The following CATSPERB variants were observed in gnomAD, a reference collection of about 807,000 sequenced individuals.
CATSPERB encodes catsper channel auxiliary subunit beta.
Under a neutral mutation model 128.3 loss-of-function variants are expected in CATSPERB, and 93 were observed. That is an observed-to-expected ratio of 0.72 (90% CI 0.61 to 0.86). The LOEUF (loss-of-function observed/expected upper bound fraction) is 0.86, where lower values mean the gene tolerates loss of function less well. Among genes scored for constraint, CATSPERB ranks in the 40% least tolerant of loss-of-function variants. The pLI is 0.00. For synonymous variants in CATSPERB, 381 were observed against 448.8 expected, an observed-to-expected ratio of 0.85 and a Z score of 1.91; for missense variants, 1,153 against 1,329.5, an observed-to-expected ratio of 0.87 and a Z score of 2.06.
chr14:91,585,223 TC>T (rs1389433848), intron 26 of CATSPERB, among the ~76,000 whole-genome samples: 1 of 152,002 alleles, frequency 6.6e-6, no homozygotes, highest in Non-Finnish European at 1.5e-5. Flanking sequence ...GCCATGTTGC[TC>T]AGTTGGTCTT....
intron 5 of CATSPERB, chr14:91,715,088 T>C (rs1448280202): frequency 2.0e-5 from 3 of 152,132 alleles, no homozygotes; most frequent in African/African-American, 7.2e-5. Flanking sequence ...CAGAAGCTTC[T>C]CTAGTAACAA....
chr14:91,677,450 G>A (rs1895210305), intron 11 of CATSPERB, among the ~76,000 whole-genome samples: 1 of 152,088 alleles, frequency 6.6e-6, no homozygotes, highest in South Asian at 2.1e-4. Flanking sequence ...AGAAACATAT[G>A]AAAAAAGAGT....
Position 91,588,095 on chromosome 14 carries a change from C to T in CATSPERB, c.2957-17G>A. 6.7e-7 allele frequency: 1 copy of T among 1,483,734 alleles called. No individual in the cohort carries two copies. The highest frequency in any genetic ancestry group is 9.3e-7 in the Non-Finnish European group (1 of 1,070,036). The allele number at this position is 1,483,734 out of a possible 1,614,324, so 91.9% of individuals were successfully genotyped here. A position where few individuals can be genotyped will look rare whatever the true frequency, so the allele number is the denominator to read the frequency against. On this transcript the variant is annotated splice_polypyrimidine_tract_variant and intron_variant, in intron 24 of 26. Coordinates refer to ENST00000256343, the MANE Select transcript of CATSPERB (RefSeq NM_024764.4). ...CAGTGTGTTCTAAAAATACATAAAACATATTTTAAGCACACTTATTTTTCT... is the reference window on the plus strand; with the variant it reads ...CAGTGTGTTCTAAAAATACATAAAATATATTTTAAGCACACTTATTTTTCT...
chr14:91,589,006 G>T (rs1318712219), intron 24 of CATSPERB, among the ~76,000 whole-genome samples: 1 of 152,144 alleles, frequency 6.6e-6, no homozygotes, highest in Non-Finnish European at 1.5e-5. Context: ...GTATTCATAC[G>T]TGAACACAAA....
chr14:91,722,276 T>TGGGAATAG (rs1896048195), intron 4 of CATSPERB, among the ~76,000 whole-genome samples: 1 of 152,084 alleles, frequency 6.6e-6, no homozygotes, highest in Admixed American at 6.5e-5. Flanking sequence ...AGCCAAAAAG[T>TGGGAATAG]GGGAATAGCC....
chr14:91,672,527 A>T (rs1895116395), intron 13 of CATSPERB, among the ~76,000 whole-genome samples: 1 of 152,116 alleles, frequency 6.6e-6, no homozygotes, highest in African/African-American at 2.4e-5. Context: ...AAAAATATAG[A>T]TCTGTGGCAA....
chr14:91,660,950 C>G (rs1036096529), intron 14 of CATSPERB, among the ~76,000 whole-genome samples: 1 of 152,148 alleles, frequency 6.6e-6, no homozygotes, highest in African/African-American at 2.4e-5. Context: ...TAGACTTGGA[C>G]AGGAAGTAAC....
At chr14:91,584,271 GTT>G (rs1407846471) in intron 26 of CATSPERB, among the ~76,000 whole-genome samples, 1 of 151,996 alleles carries the variant, frequency 6.6e-6, no homozygotes, top group African/African-American at 2.4e-5. Flanking sequence ...GTTTCACCAT[GTT>G]GGCCAGGCTG....
At chr14:91,674,354 TA>T in intron 11 of CATSPERB, 132 bp from the exon 12 acceptor site, 3 of 550,522 alleles carry the variant, frequency 5.4e-6, no homozygotes, top group Middle Eastern at 4.8e-4. Context: ...TAAATGAAAA[TA>T]ATAATAATAA....
At chr14:91,693,356 A>G (rs776537998) in intron 8 of CATSPERB, 28 bp downstream of exon 8, 3 of 1,585,878 alleles carry the variant, frequency 1.9e-6, no homozygotes, top group Non-Finnish European at 2.6e-6. Context: ...TAAAATGCTC[A>G]AGATGAAGGC....
chr14:91,726,345 C>G (rs530576706), intron 2 of CATSPERB, among the ~76,000 whole-genome samples: 1 of 152,320 alleles, frequency 6.6e-6, no homozygotes, highest in African/African-American at 2.4e-5. Context: ...TCGTCCGGCT[C>G]CTGCACCTGC....
chr14:91,723,409 T>C (rs2139780773), intron 3 of CATSPERB, among the ~76,000 whole-genome samples: 2 of 152,272 alleles, frequency 1.3e-5, no homozygotes, highest in Middle Eastern at 3.4e-3. Flanking sequence ...TCATTATTAT[T>C]ACATGTAGTA....
intron 17 of CATSPERB, among the ~76,000 whole-genome samples, chr14:91,628,470 A>T (rs1894210460): frequency 6.6e-6 from 1 of 152,118 alleles, no homozygotes; most frequent in African/African-American, 2.4e-5. Flanking sequence ...TCCCCACCCA[A>T]ATCTCATCTT....
intron 26 of CATSPERB, among the ~76,000 whole-genome samples, 180 bp from the exon 27 acceptor site, chr14:91,581,287 C>T (rs1893203738): frequency 6.6e-6 from 1 of 152,210 alleles, no homozygotes; most frequent in Admixed American, 6.5e-5. Flanking sequence ...AATTTGCCTA[C>T]AATAAATAGG....
intron 5 of CATSPERB, among the ~76,000 whole-genome samples, chr14:91,716,851 T>C (rs1301079465): frequency 5.3e-5 from 8 of 152,076 alleles, no homozygotes; most frequent in Non-Finnish European, 1.2e-4. Flanking sequence ...ACAGTTTTTC[T>C]TATAAAGTTA....
chr14:91,651,418 C>G (rs1240877652), intron 15 of CATSPERB, among the ~76,000 whole-genome samples: 1 of 152,198 alleles, frequency 6.6e-6, no homozygotes, highest in Non-Finnish European at 1.5e-5. Context: ...GGATATTTTA[C>G]TATCACTGTT....
chr14:91,652,814 G>A (rs1316565062), intron 15 of CATSPERB, among the ~76,000 whole-genome samples: 1 of 151,336 alleles, frequency 6.6e-6, no homozygotes, highest in Non-Finnish European at 1.5e-5. Flanking sequence ...ATCATATAAA[G>A]TCTGATCACC....
At chr14:91,724,771 G>A (rs982690501) in intron 3 of CATSPERB, among the ~76,000 whole-genome samples, 3 of 152,020 alleles carry the variant, frequency 2.0e-5, no homozygotes, top group Non-Finnish European at 4.4e-5. Context: ...TCTCTAATAG[G>A]CTACATCTGT....
intron 22 of CATSPERB, among the ~76,000 whole-genome samples, chr14:91,596,567 A>G (rs1893509537): frequency 6.6e-6 from 1 of 152,228 alleles, no homozygotes. Flanking sequence ...TGTGGATGAA[A>G]AAAAGTTTTA....
Sources: allele counts gnomAD v4.1 joint callset (sites outside exome capture counted in the v4.1 genomes callset), GRCh38; gene constraint gnomAD v4.1.1; transcripts MANE v1.5; gene names NCBI Gene and HGNC (gene_info 2026-07-23, HGNC 2026-07-21).